Variants in ETV2 observed in about 807,000 individuals in gnomAD.
ETV2 encodes the protein ETS variant transcription factor 2, also known as ETS translocation variant 2.
Under a neutral mutation model 35.7 loss-of-function variants are expected in ETV2, and 34 were observed. The observed-to-expected ratio is 0.95, with a 90% confidence interval of 0.72 to 1.27. The LOEUF (loss-of-function observed/expected upper bound fraction) is 1.27. Among genes scored for constraint, ETV2 ranks in the 50% most tolerant of loss-of-function variants. The pLI is 0.00. For synonymous variants in ETV2, 207 were observed against 203.9 expected (o/e 1.02, Z -0.13); for missense variants, 512 against 470.5 (o/e 1.09, Z -0.82).
Position 35,642,427 on chromosome 19 carries a change from G to A in ETV2, c.-27-7G>A, listed in dbSNP as rs754506693. 1.4e-6 allele frequency: 2 copies of A among 1,476,548 alleles called. No homozygotes were observed. Among genetic ancestry groups the A allele is most frequent in the South Asian group, 2.5e-5 (2 of 79,116 alleles). The allele number at this position is 1,476,548 out of a possible 1,614,324, so 91.5% of individuals were successfully genotyped here. ...ACCCATTGCCATCTGGACTTTTCCC[G>A]ACCCAGAACATTCAGAAGGCCTTCA... On this transcript the variant is annotated splice_region_variant and splice_polypyrimidine_tract_variant and intron_variant, in intron 1 of 6. Transcript: ENST00000402764. This position sits in a 1 kb window ranked among gnomAD's most constrained non-coding sequence, Gnocchi z 4.4.
Position 35,643,192 on chromosome 19 carries a change from T to A in ETV2, c.236-82T>A. On this transcript the variant is annotated intron_variant, in intron 4 of 6. Coordinates refer to ENST00000402764, the MANE Select transcript of ETV2 (RefSeq NM_014209.4). This position sits in a 1 kb window ranked among gnomAD's most constrained non-coding sequence, Gnocchi z 5.0. ...GGATCCGGGTCAGCCGGGCCCCAAG[T>A]GCCAGGGTTGAGAGCTTAGACCCTA... is the stretch of plus-strand genomic sequence containing the variant. The A allele has an allele frequency of 6.6e-7, 1 of 1,516,158 alleles. No individual in the cohort carries two copies. Among genetic ancestry groups the A allele is most frequent in the African/African-American group, 1.4e-5 (1 of 71,680 alleles). The allele number at this position is 1,516,158 out of a possible 1,614,324, so 93.9% of individuals were successfully genotyped here.
chr19:35,644,371 C>G lies in ETV2; in HGVS notation c.828+24C>G, dbSNP rs1200518317. 7.4e-7 allele frequency: 1 copy of G among 1,353,226 alleles called. No homozygotes were observed. The highest frequency in any genetic ancestry group is 1.3e-5 in the South Asian group (1 of 78,428). 83.8% of individuals were successfully genotyped at this position (1,353,226 alleles called of 1,614,324 possible). A position where few individuals can be genotyped will look rare whatever the true frequency, so the allele number is the denominator to read the frequency against. ...AGGTGGGGCAGCTCCCCTGCCCAGC[C>G]AAATCCGCCCCGTCTCTTCTAGTTC... On this transcript the variant is annotated intron_variant, in intron 6 of 6. Transcript: ENST00000402764. This position sits in a 1 kb window ranked among gnomAD's most constrained non-coding sequence, Gnocchi z 4.7.
In ETV2 at chr19:35,644,537, G is replaced by A; in HGVS notation, c.829-115G>A. ...TGCCTCAACCAACCCAGTCTCCACCGGGCTCTGCGAGGCCTCGCCCAGGTC... is the reference window on the plus strand; with the variant it reads ...TGCCTCAACCAACCCAGTCTCCACCAGGCTCTGCGAGGCCTCGCCCAGGTC... On this transcript the variant is annotated intron_variant, in intron 6 of 6. Coordinates refer to ENST00000402764, the MANE Select transcript of ETV2 (RefSeq NM_014209.4). The surrounding 1 kb of genome is among the most constrained non-coding windows in gnomAD (Gnocchi z 4.7). 9.3e-7 allele frequency: 1 copy of A among 1,069,522 alleles called. No individual in the cohort carries two copies. Among genetic ancestry groups the A allele is most frequent in the East Asian group, 2.6e-5 (1 of 38,502 alleles). 66.3% of individuals were successfully genotyped at this position (1,069,522 alleles called of 1,614,324 possible). A position where few individuals can be genotyped will look rare whatever the true frequency, so the allele number is the denominator to read the frequency against.
rs570957661 is a variant in ETV2 at position 35,643,922 on chromosome 19, G to C, written c.715+169G>C. Among the ~76,000 whole-genome samples, 7 of 152,310 alleles carry C rather than the reference G, an allele frequency of 4.6e-5. No homozygotes were observed. The highest frequency in any genetic ancestry group is 1.3e-4 in the Admixed American group (2 of 15,308). On this transcript the variant is annotated intron_variant, in intron 5 of 6. Coordinates refer to ENST00000402764, the MANE Select transcript of ETV2 (RefSeq NM_014209.4). The surrounding 1 kb of genome is among the most constrained non-coding windows in gnomAD (Gnocchi z 5.0). ...CCGCACTCCAGGTCCTTGGGGAGGA[G>C]AGGGCTAAGAAACTGGTAGTCTTAT... is the stretch of plus-strand genomic sequence containing the variant.
Position 35,644,214 on chromosome 19 carries a change from G to C in ETV2, c.716-21G>C. The C allele has an allele frequency of 6.8e-6, 10 of 1,474,968 alleles. No homozygotes were observed. The highest frequency in any genetic ancestry group is 9.3e-6 in the Non-Finnish European group (10 of 1,076,450). The allele number at this position is 1,474,968 out of a possible 1,614,324, so 91.4% of individuals were successfully genotyped here. A position where few individuals can be genotyped will look rare whatever the true frequency, so the allele number is the denominator to read the frequency against. Reference sequence around the variant, plus strand: ...ATCTAGGGCCGGGAAGACTGAGTGTGCCCCTCCCTTCATCCCGCAGGTCCC... The same window carrying C: ...ATCTAGGGCCGGGAAGACTGAGTGTCCCCCTCCCTTCATCCCGCAGGTCCC... On this transcript the variant is annotated intron_variant, in intron 5 of 6. Coordinates refer to ENST00000402764, the MANE Select transcript of ETV2 (RefSeq NM_014209.4). The surrounding 1 kb of genome is among the most constrained non-coding windows in gnomAD (Gnocchi z 4.7).
Position 35,644,787 on chromosome 19 carries a change from G to C in ETV2, c.964G>C (p.Gly322Arg), listed in dbSNP as rs763913301. Residue 322 changes from glycine to arginine, a missense_variant, in exon 7 of 7, where the codon GGC becomes CGC. Gly to Arg is a moderately radical substitution (Grantham distance 125). Transcript: ENST00000402764. This position sits in a 1 kb window ranked among gnomAD's most constrained non-coding sequence, Gnocchi z 4.7. ...GGRKYTYRFG[G>R]RVPSLAYPDC... is the part of the protein sequence containing the mutation. ...GCGAAAGTACACGTACCGCTTCGGG[G>C]GCCGCGTGCCCAGCCTAGCCTATCC... 66 of 1,612,016 alleles carry C rather than the reference G, an allele frequency of 4.1e-5. 1 individual carries two copies. In the Middle Eastern group the frequency reaches 1.2e-3, roughly 28 times the overall value.
In ETV2 at chr19:35,642,572, C is replaced by T; in HGVS notation, c.70+42C>T. The T allele has an allele frequency of 6.2e-7, 1 of 1,613,178 alleles. No homozygotes were observed. The highest frequency in any genetic ancestry group is 1.6e-4 in the Middle Eastern group (1 of 6,062). ...GCCACAACGTGTGTGGGGAGGGTGT[C>T]CAGGTGGGGCCTCTGCTGACCCTAA... On this transcript the variant is annotated intron_variant, in intron 2 of 6. Transcript: ENST00000402764. This position sits in a 1 kb window ranked among gnomAD's most constrained non-coding sequence, Gnocchi z 4.4.
chr19:35,643,521 C>G lies in ETV2; in HGVS notation c.483C>G (p.Asp161Glu). ...NTSWDCSVGP[D>E]GDTYWGSGLG... ...GCTGGGACTGTTCTGTGGGGCCCGACGGCGATACCTACTGGGGCAGTGGCC... is the reference window on the plus strand; with the variant it reads ...GCTGGGACTGTTCTGTGGGGCCCGAGGGCGATACCTACTGGGGCAGTGGCC... Residue 161 changes from aspartate to glutamate, a missense_variant, in exon 5 of 7, where the codon GAC becomes GAG. Physicochemically the swap from Asp to Glu is conservative, Grantham distance 45. Coordinates refer to ENST00000402764, the MANE Select transcript of ETV2 (RefSeq NM_014209.4). This position sits in a 1 kb window ranked among gnomAD's most constrained non-coding sequence, Gnocchi z 5.0. The G allele has an allele frequency of 1.3e-6, 2 of 1,550,140 alleles. No individual in the cohort carries two copies. The highest frequency in any genetic ancestry group is 1.7e-6 in the Non-Finnish European group (2 of 1,146,702).
chr19:35,644,170 A>C lies in ETV2; in HGVS notation c.716-65A>C. 8.9e-7 allele frequency: 1 copy of C among 1,120,412 alleles called. No individual in the cohort carries two copies. The highest frequency in any genetic ancestry group is 1.3e-6 in the Non-Finnish European group (1 of 757,368). 69.4% of individuals were successfully genotyped at this position (1,120,412 alleles called of 1,614,324 possible). ...CCGAGTTGGGAGGACCCGGACCTCT[A>C]GATCATTGAAGTGGTGTGATCTAGG... is the stretch of plus-strand genomic sequence containing the variant. On this transcript the variant is annotated intron_variant, in intron 5 of 6. Coordinates refer to ENST00000402764, the MANE Select transcript of ETV2 (RefSeq NM_014209.4). This position sits in a 1 kb window ranked among gnomAD's most constrained non-coding sequence, Gnocchi z 4.7.
chr19:35,643,711 G>A lies in ETV2; in HGVS notation c.673G>A (p.Asp225Asn), dbSNP rs146653402. ...TTGCTCCGAACCGAGCCCGCAGTCG[G>A]ACCGTGCCAGTTTGGCTCGATGCCC... The part of the protein sequence containing the change: ...TVCSEPSPQS[D>N]RASLARCPKT... Residue 225 changes from aspartate to asparagine, a missense_variant, in exon 5 of 7, where the codon GAC becomes AAC. By Grantham distance (23) the Asp-to-Asn change is conservative. Coordinates refer to ENST00000402764, the MANE Select transcript of ETV2 (RefSeq NM_014209.4). This position sits in a 1 kb window ranked among gnomAD's most constrained non-coding sequence, Gnocchi z 5.0. The A allele has an allele frequency of 2.1e-5, 34 of 1,613,730 alleles. No individual in the cohort carries two copies. Among genetic ancestry groups the A allele is most frequent in the Non-Finnish European group, 2.9e-5 (34 of 1,179,846 alleles).
chr19:35,642,088 T>G lies in ETV2; in HGVS notation c.-96T>G. ...GAAAATTCCCCCTTGCCCAGGCCCT[T>G]GGGGGAGGGGGTGCATGGTATGAAA... On this transcript the variant is annotated 5_prime_UTR_variant, in exon 1 of 7. Coordinates refer to ENST00000402764, the MANE Select transcript of ETV2 (RefSeq NM_014209.4). This position sits in a 1 kb window ranked among gnomAD's most constrained non-coding sequence, Gnocchi z 4.4. 6.2e-6 allele frequency: 1 copy of G among 161,654 alleles called. No homozygotes were observed. Among genetic ancestry groups the G allele is most frequent in the Non-Finnish European group, 1.3e-5 (1 of 74,394 alleles). The allele number at this position is 161,654 out of a possible 1,614,324, so 10.0% of individuals were successfully genotyped here.
chr19:35,644,659 G>T lies in ETV2; in HGVS notation c.836G>T (p.Arg279Leu). 1 of 1,605,102 alleles carries T rather than the reference G, an allele frequency of 6.2e-7. No individual in the cohort carries two copies. The highest frequency in any genetic ancestry group is 8.5e-7 in the Non-Finnish European group (1 of 1,174,826). Residue 279 changes from arginine to leucine, a missense_variant, in exon 7 of 7, where the codon CGG (arginine) becomes CTG (leucine). Physicochemically the swap from Arg to Leu is moderately radical, Grantham distance 102. Transcript: ENST00000402764. The surrounding 1 kb of genome is among the most constrained non-coding windows in gnomAD (Gnocchi z 4.7). ...AGCGGGCCTCTGTCCTAGGTGGCTCGGCTGTGGGGCGAGCGCAAGAGAAAG... is the reference window on the plus strand; with the variant it reads ...AGCGGGCCTCTGTCCTAGGTGGCTCTGCTGTGGGGCGAGCGCAAGAGAAAG... ...FQLCDPKEVA[R>L]LWGERKRKPG...
chr19:35,644,134 G>A lies in ETV2; in HGVS notation c.716-101G>A. Reference sequence around the variant, plus strand: ...GAAGGGGGGGCGGATCCCCTTCTCGGGTCCTGGGTCCCGAGTTGGGAGGAC... The same window carrying A: ...GAAGGGGGGGCGGATCCCCTTCTCGAGTCCTGGGTCCCGAGTTGGGAGGAC... On this transcript the variant is annotated intron_variant, in intron 5 of 6. Coordinates refer to ENST00000402764, the MANE Select transcript of ETV2 (RefSeq NM_014209.4). This position sits in a 1 kb window ranked among gnomAD's most constrained non-coding sequence, Gnocchi z 4.7. The A allele has an allele frequency of 1.2e-6, 1 of 810,420 alleles. No individual in the cohort carries two copies. Among genetic ancestry groups the A allele is most frequent in the East Asian group, 2.7e-5 (1 of 37,616 alleles). The allele number at this position is 810,420 out of a possible 1,614,324, so 50.2% of individuals were successfully genotyped here. A position where few individuals can be genotyped will look rare whatever the true frequency, so the allele number is the denominator to read the frequency against.
chr19:35,642,767 A>C lies in ETV2; in HGVS notation c.154+69A>C. 1.0e-6 allele frequency: 1 copy of C among 954,648 alleles called. No homozygotes were observed. The highest frequency in any genetic ancestry group is 1.5e-6 in the Non-Finnish European group (1 of 674,378). The allele number at this position is 954,648 out of a possible 1,614,324, so 59.1% of individuals were successfully genotyped here. A position where few individuals can be genotyped will look rare whatever the true frequency, so the allele number is the denominator to read the frequency against. On this transcript the variant is annotated intron_variant, in intron 3 of 6. Transcript: ENST00000402764. This position sits in a 1 kb window ranked among gnomAD's most constrained non-coding sequence, Gnocchi z 4.4. ...GAGGCTGGGATCCTAGGGCAAAGGG[A>C]GGAGGGGGGCGTGCCTAGGTTCCTG... is the stretch of plus-strand genomic sequence containing the variant.
At position 35,644,428 on chromosome 19, in the gene ETV2, C is replaced by T; in HGVS notation, c.828+81C>T. 2 of 1,051,740 alleles carry T rather than the reference C, an allele frequency of 1.9e-6. No individual in the cohort carries two copies. The highest frequency in any genetic ancestry group is 2.6e-5 in the East Asian group (1 of 38,388). 65.2% of individuals were successfully genotyped at this position (1,051,740 alleles called of 1,614,324 possible). A position where few individuals can be genotyped will look rare whatever the true frequency, so the allele number is the denominator to read the frequency against. ...GCTCCGCCCAAGGGCTAGGTTCAAC[C>T]GCGTAGCCCTCGGCCCCGCCGCTCC... On this transcript the variant is annotated intron_variant, in intron 6 of 6. Transcript: ENST00000402764. The surrounding 1 kb of genome is among the most constrained non-coding windows in gnomAD (Gnocchi z 4.7).
chr19:35,642,969 A>G lies in ETV2; in HGVS notation c.159A>G (p.Thr53=). ...CACAGTCCTCCCTAAACTCAGGTAC[A>G]AGCTCATCCCTGGCAAGCTTCCCAC... ...TATAETCWKG[T]SSSLASFPQL... The change falls in exon 4 of 7, where the codon ACA becomes ACG. Residue 53 remains threonine, a synonymous_variant. Transcript: ENST00000402764. The surrounding 1 kb of genome is among the most constrained non-coding windows in gnomAD (Gnocchi z 4.4). The G allele has an allele frequency of 6.4e-7, 1 of 1,565,204 alleles. No homozygotes were observed. Among genetic ancestry groups the G allele is most frequent in the Non-Finnish European group, 8.7e-7 (1 of 1,151,508 alleles).
Position 35,644,439 on chromosome 19 carries a change from C to T in ETV2, c.828+92C>T. The T allele has an allele frequency of 1.0e-6, 1 of 976,512 alleles. No homozygotes were observed. The allele number at this position is 976,512 out of a possible 1,614,324, so 60.5% of individuals were successfully genotyped here. A position where few individuals can be genotyped will look rare whatever the true frequency, so the allele number is the denominator to read the frequency against. ...GGGCTAGGTTCAACCGCGTAGCCCTCGGCCCCGCCGCTCCCCGGCCCACTC... is the reference window on the plus strand; with the variant it reads ...GGGCTAGGTTCAACCGCGTAGCCCTTGGCCCCGCCGCTCCCCGGCCCACTC... On this transcript the variant is annotated intron_variant, in intron 6 of 6. Transcript: ENST00000402764. The surrounding 1 kb of genome is among the most constrained non-coding windows in gnomAD (Gnocchi z 4.7).
chr19:35,643,779 G>C lies in ETV2; in HGVS notation c.715+26G>C, dbSNP rs374150267. ...GTGAGAGGGCCGCAAAGACTGCGGG[G>C]AGGGCGAAGCTGGAGTCCTGAGCCG... On this transcript the variant is annotated intron_variant, in intron 5 of 6. Coordinates refer to ENST00000402764, the MANE Select transcript of ETV2 (RefSeq NM_014209.4). This position sits in a 1 kb window ranked among gnomAD's most constrained non-coding sequence, Gnocchi z 5.0. The C allele has an allele frequency of 1.2e-6, 2 of 1,612,656 alleles. No homozygotes were observed. Among genetic ancestry groups the C allele is most frequent in the Non-Finnish European group, 1.7e-6 (2 of 1,179,704 alleles).
Position 35,644,112 on chromosome 19 carries a change from G to A in ETV2, c.716-123G>A, listed in dbSNP as rs1488172749. On this transcript the variant is annotated intron_variant, in intron 5 of 6. Coordinates refer to ENST00000402764, the MANE Select transcript of ETV2 (RefSeq NM_014209.4). This position sits in a 1 kb window ranked among gnomAD's most constrained non-coding sequence, Gnocchi z 4.7. ...AGGCTGACTGTTGGATCTCAGAGAA[G>A]GGGGGGCGGATCCCCTTCTCGGGTC... is the stretch of plus-strand genomic sequence containing the variant. 1.4e-6 allele frequency: 1 copy of A among 727,114 alleles called. No individual in the cohort carries two copies. The allele number at this position is 727,114 out of a possible 1,614,324, so 45.0% of individuals were successfully genotyped here. A position where few individuals can be genotyped will look rare whatever the true frequency, so the allele number is the denominator to read the frequency against.
Sources: gnomAD v4.1 joint callset for allele counts (sites outside exome capture counted in the v4.1 genomes callset) on GRCh38, gnomAD v4.1.1 for gene constraint, Gnocchi (gnomAD v3.1) non-coding constraint, MANE v1.5 for transcripts, NCBI Gene and HGNC (gene_info 2026-07-23, HGNC 2026-07-21) for gene names.